UNC13C: variants seen among roughly 807,000 people sequenced by gnomAD.
UNC13C encodes the protein unc-13 homolog C.
A neutral mutation model predicts 245.4 loss-of-function variants in UNC13C; 174 were observed. The observed-to-expected ratio is 0.71, with a 90% CI of 0.63 to 0.80. The LOEUF is 0.80. Among genes scored for constraint, UNC13C ranks in the 30% least tolerant of loss-of-function variants. The pLI is 0.00. For synonymous variants in UNC13C, 992 were observed against 895.1 expected, an observed-to-expected ratio of 1.11 and a Z score of -1.93; for missense variants, 2,829 against 2,602.9, an observed-to-expected ratio of 1.09 and a Z score of -1.89.
intron 2 of UNC13C, among the ~76,000 whole-genome samples, chr15:54,056,739 C>T (rs995348365): frequency 6.6e-6 from 1 of 152,164 alleles, no homozygotes; most frequent in African/African-American, 2.4e-5. Flanking sequence ...AAAGGGAAGC[C>T]CATCAGACTA....
intron 13 of UNC13C, among the ~76,000 whole-genome samples, chr15:54,301,181 A>G (rs2037570439): frequency 6.6e-6 from 1 of 151,976 alleles, no homozygotes; most frequent in East Asian, 1.9e-4. Context: ...TAACAACAAG[A>G]TCTCATTTTC....
intron 10 of UNC13C, among the ~76,000 whole-genome samples, chr15:54,281,975 A>C (rs1248454284): frequency 6.6e-6 from 1 of 152,152 alleles, no homozygotes; most frequent in African/African-American, 2.4e-5. Flanking sequence ...AGTTTCATTC[A>C]TGTGGGGTAT....
At chr15:53,892,135 AG>A in the UNC13C span, among the ~76,000 whole-genome samples, 1 of 152,154 alleles carries the variant, frequency 6.6e-6, no homozygotes, top group East Asian at 1.9e-4. Flanking sequence ...TCACTTATAA[AG>A]CTTAGTTTGG....
the UNC13C span, among the ~76,000 whole-genome samples, chr15:53,899,031 C>G: frequency 6.6e-6 from 1 of 151,730 alleles, no homozygotes; most frequent in African/African-American, 2.4e-5. Flanking sequence ...ACTGGCTGGA[C>G]GTTCTTCCAA....
At position 54,014,994 on chromosome 15, in the gene UNC13C, C is replaced by T; in HGVS notation, c.2091C>T (p.Tyr697=). 1 of 1,613,684 alleles carries T rather than the reference C, an allele frequency of 6.2e-7. No homozygotes were observed. Among genetic ancestry groups the T allele is most frequent in the Non-Finnish European group, 8.5e-7 (1 of 1,179,816 alleles). The change falls in exon 2 of 33, where the codon TAC becomes TAT. Residue 697 remains tyrosine, a synonymous_variant. Coordinates refer to ENST00000260323, the MANE Select transcript of UNC13C (RefSeq NM_001080534.3). ...QLDVYNKDLE[Y]LGKCHSDLQD... is the part of the protein sequence containing the mutation. ...ATGTTTACAATAAAGACCTAGAATA[C>T]TTGGGAAAGTGCCACAGTGATCTTC...
Position 54,271,477 on chromosome 15 carries a change from C to G in UNC13C, c.3818+5981C>G, listed in dbSNP as rs964779710. ...TCAGGAGGAAAACAAGTAAGTCTCT[C>G]TCAGTGAGTTATAGAGAGAAAATGC... is the stretch of plus-strand genomic sequence containing the variant. On this transcript the variant is annotated intron_variant, in intron 10 of 32. Transcript: ENST00000260323. Among the ~76,000 whole-genome samples the G allele has an allele frequency of 3.3e-5, 5 of 152,274 alleles. 1 individual carries two copies. In the South Asian group the frequency reaches 6.2e-4, roughly 19 times the overall value.
chr15:54,513,517 A>G (rs975238618), intron 24 of UNC13C, among the ~76,000 whole-genome samples: 3 of 152,224 alleles, frequency 2.0e-5, no homozygotes, highest in African/African-American at 7.2e-5. Flanking sequence ...TCACCAATCA[A>G]AAATGAATTC....
intron 16 of UNC13C, 139 bp downstream of exon 16, chr15:54,333,995 C>T (rs1193278454): frequency 5.2e-6 from 3 of 574,932 alleles, no homozygotes; most frequent in South Asian, 2.5e-5. Flanking sequence ...TGCCTGAACT[C>T]GATGAATCTT....
At chr15:54,622,105 C>T (rs1473585226) in intron 30 of UNC13C, among the ~76,000 whole-genome samples, 1 of 152,176 alleles carries the variant, frequency 6.6e-6, no homozygotes, top group African/African-American at 2.4e-5. Context: ...AGGATTTCTG[C>T]AGGCCCAATG....
In UNC13C at chr15:54,551,492, G is replaced by A. The variant is rs564543980; in HGVS notation, c.5877+1801G>A. 2.6e-5 allele frequency among the ~76,000 whole-genome samples: 4 copies of A among 152,132 alleles called. 1 individual carries two copies. The highest frequency in any genetic ancestry group is 2.6e-4 in the Admixed American group (4 of 15,252). On this transcript the variant is annotated intron_variant, in intron 28 of 32. Coordinates refer to ENST00000260323, the MANE Select transcript of UNC13C (RefSeq NM_001080534.3). Reference sequence around the variant, plus strand: ...TGAACTCTGATCGAGATAGAGACTGGTTCCCTAGAGGGTATATACATGCTC... The same window carrying A: ...TGAACTCTGATCGAGATAGAGACTGATTCCCTAGAGGGTATATACATGCTC...
At chr15:54,232,905 G>A (rs1263785775) in intron 4 of UNC13C, among the ~76,000 whole-genome samples, 1 of 152,092 alleles carries the variant, frequency 6.6e-6, no homozygotes, top group East Asian at 1.9e-4. Context: ...CTTTTTCCAT[G>A]TATTTGATGT....
At chr15:54,447,078 T>A (rs1013957838) in intron 19 of UNC13C, among the ~76,000 whole-genome samples, 5 of 152,236 alleles carry the variant, frequency 3.3e-5, no homozygotes, top group Middle Eastern at 3.2e-3. Flanking sequence ...GTTCTGTTTA[T>A]GTGCTGGATT....
At chr15:54,265,316 G>T in intron 9 of UNC13C, 39 bp from the exon 10 acceptor site, 1 of 1,357,470 alleles carries the variant, frequency 7.4e-7, no homozygotes, top group Admixed American at 3.2e-5. Context: ...TGTTTCTGAG[G>T]ACTCTGTATG....
At chr15:54,080,379 CATTTCCGAAAG>C (rs890881839) in intron 2 of UNC13C, among the ~76,000 whole-genome samples, 19 of 151,934 alleles carry the variant, frequency 1.3e-4, no homozygotes, top group African/African-American at 4.6e-4. Context: ...TTTTTGGAAA[CATTTCCGAAAG>C]ATTGGTATCA....
intron 19 of UNC13C, among the ~76,000 whole-genome samples, chr15:54,455,193 CTCTCTCTCTCTCTATA>C (rs1410431030): frequency 5.1e-4 from 24 of 47,312 alleles, no homozygotes; most frequent in African/African-American, 1.5e-3. Context: ...CTCTCTCTCT[CTCTCTCTCTCTCTATA>C]TATATATATA....
chr15:54,597,752 A>T lies in UNC13C; in HGVS notation c.6107-24575A>T, dbSNP rs565815647. Among the ~76,000 whole-genome samples, 14 of 152,326 alleles carry T rather than the reference A, an allele frequency of 9.2e-5. No individual in the cohort carries two copies. The South Asian group carries it at 2.5e-3, about 27-fold the overall frequency. On this transcript the variant is annotated intron_variant, in intron 30 of 32. Coordinates refer to ENST00000260323, the MANE Select transcript of UNC13C (RefSeq NM_001080534.3). ...GAGATCAGAGGAGACTACTAACATTAATGATGATTTCAGGTGTTAAAGCAA... is the reference window on the plus strand; with the variant it reads ...GAGATCAGAGGAGACTACTAACATTTATGATGATTTCAGGTGTTAAAGCAA...
chr15:53,945,188 T>C, the UNC13C span, among the ~76,000 whole-genome samples: 1 of 152,080 alleles, frequency 6.6e-6, no homozygotes, highest in Non-Finnish European at 1.5e-5. Flanking sequence ...TATTTTCTCC[T>C]GTAGGTTGTG....
At chr15:53,954,078 A>G in the UNC13C span, among the ~76,000 whole-genome samples, 2 of 152,174 alleles carry the variant, frequency 1.3e-5, no homozygotes, top group South Asian at 2.1e-4. Context: ...ATCATTTCCT[A>G]TCCATCCTTT....
At chr15:53,938,399 G>A in the UNC13C span, among the ~76,000 whole-genome samples, 1 of 152,134 alleles carries the variant, frequency 6.6e-6, no homozygotes. Context: ...CCTGCAAAGA[G>A]ACTTAGACTC....
Sources: allele counts gnomAD v4.1 joint callset (sites outside exome capture counted in the v4.1 genomes callset), GRCh38; gene constraint gnomAD v4.1.1; transcripts MANE v1.5; gene names NCBI Gene and HGNC (gene_info 2026-07-23, HGNC 2026-07-21).